ASTN2: variants seen among roughly 807,000 people sequenced by gnomAD.
The protein encoded by ASTN2 is astrotactin-2.
ASTN2 carries 54 observed loss-of-function variants against 139.8 expected under a neutral mutation model. The observed-to-expected ratio is 0.39, with a 90% CI of 0.31 to 0.48. The LOEUF is 0.48. Ranked by LOEUF, ASTN2 falls within the 20% of genes least tolerant of loss-of-function variation. The pLI is 0.95. For synonymous variants in ASTN2, 756 were observed against 719.5 expected (o/e 1.05, Z -0.81); for missense variants, 1,565 against 1,725.1 (o/e 0.91, Z 1.64).
At chr9:116,843,659 C>CA (rs34552965) in intron 11 of ASTN2, among the ~76,000 whole-genome samples, 4,769 of 115,510 alleles carry the variant, frequency 0.041, 89 homozygotes, top group African/African-American at 0.06. Context: ...AACTCTGTCT[C>CA]AAAAAAAAAA....
chr9:116,571,392 T>A (rs1853507078), intron 19 of ASTN2, among the ~76,000 whole-genome samples: 1 of 152,236 alleles, frequency 6.6e-6, no homozygotes, highest in Non-Finnish European at 1.5e-5. Flanking sequence ...TCTTTTTCCA[T>A]CTTTCACAAC....
intron 5 of ASTN2, among the ~76,000 whole-genome samples, chr9:117,052,105 C>A (rs1224177017): frequency 6.6e-6 from 1 of 152,046 alleles, no homozygotes; most frequent in Non-Finnish European, 1.5e-5. Flanking sequence ...TTTTCTTCAT[C>A]TGTAAAATGG....
chr9:117,182,442 C>T (rs756523446), intron 3 of ASTN2, among the ~76,000 whole-genome samples: 1 of 151,992 alleles, frequency 6.6e-6, no homozygotes, highest in Non-Finnish European at 1.5e-5. Flanking sequence ...CCAAGGATGA[C>T]CCAGGAGACA....
chr9:116,997,719 T>A (rs966305898), intron 7 of ASTN2, among the ~76,000 whole-genome samples: 1 of 152,166 alleles, frequency 6.6e-6, no homozygotes, highest in Non-Finnish European at 1.5e-5. Flanking sequence ...CATAGCTACT[T>A]GTATTGAAGC....
At chr9:116,812,928 C>T (rs758538803) in intron 12 of ASTN2, among the ~76,000 whole-genome samples, 31 of 152,080 alleles carry the variant, frequency 2.0e-4, no homozygotes, top group Non-Finnish European at 4.0e-4. Context: ...AAAATGATCC[C>T]CTGAGTTTTG....
At chr9:117,312,282 A>G (rs556951629) in intron 1 of ASTN2, among the ~76,000 whole-genome samples, 1 of 152,328 alleles carries the variant, frequency 6.6e-6, no homozygotes, top group South Asian at 2.1e-4. Context: ...TAATAAATAG[A>G]GAATCACAAA....
intron 1 of ASTN2, among the ~76,000 whole-genome samples, chr9:117,322,559 G>A (rs1289806633): frequency 6.6e-6 from 1 of 152,172 alleles, no homozygotes; most frequent in African/African-American, 2.4e-5. Flanking sequence ...AGTCTGCATG[G>A]CTGACATTCT....
chr9:116,517,086 C>G (rs895406918), intron 19 of ASTN2, among the ~76,000 whole-genome samples: 1 of 152,192 alleles, frequency 6.6e-6, no homozygotes, highest in Non-Finnish European at 1.5e-5. Context: ...TATGGCCCTG[C>G]CTACCACCTG....
intron 13 of ASTN2, among the ~76,000 whole-genome samples, chr9:116,792,584 C>T (rs187204074): frequency 2.6e-5 from 4 of 152,262 alleles, no homozygotes; most frequent in South Asian, 2.1e-4. Context: ...GATAGCAGAG[C>T]GGATGAACAC....
In ASTN2 at chr9:116,701,871, G is replaced by GT. The variant is rs200218160; in HGVS notation, c.2806+23899dup. The stretch of plus-strand genomic sequence containing the variant: ...GAAACTAATTTGTTCAATTACAGCA[G>GT]TTTTTTGGGTTTTTTTTTTTTTTTT... On this transcript the variant is annotated intron_variant, in intron 16 of 22. Transcript: ENST00000313400. 4.8e-3 allele frequency among the ~76,000 whole-genome samples: 587 copies of GT among 123,036 alleles called. 5 individuals are homozygous for GT. The highest frequency in any genetic ancestry group is 3.0e-3 in the Non-Finnish European group (180 of 59,434). The allele number at this position is 123,036 out of a possible 152,430, so 80.7% of individuals were successfully genotyped here. A position where few individuals can be genotyped will look rare whatever the true frequency, so the allele number is the denominator to read the frequency against.
At chr9:116,552,735 A>G (rs1852407965) in intron 19 of ASTN2, among the ~76,000 whole-genome samples, 1 of 152,208 alleles carries the variant, frequency 6.6e-6, no homozygotes, top group Non-Finnish European at 1.5e-5. Flanking sequence ...CAGGAGTCAA[A>G]GCAAAAATAA....
intron 16 of ASTN2, among the ~76,000 whole-genome samples, chr9:116,666,939 T>A (rs991204940): frequency 6.8e-6 from 1 of 146,536 alleles, no homozygotes; most frequent in African/African-American, 2.5e-5. Flanking sequence ...TTTATACTTA[T>A]TTATTTATTC....
At chr9:116,797,375 G>A (rs973038850) in intron 13 of ASTN2, among the ~76,000 whole-genome samples, 3 of 152,062 alleles carry the variant, frequency 2.0e-5, no homozygotes, top group African/African-American at 4.8e-5. Context: ...GAAAACCTTG[G>A]AAACATGGAG....
intron 17 of ASTN2, among the ~76,000 whole-genome samples, chr9:116,625,546 T>C (rs1476457998): frequency 6.6e-6 from 1 of 152,058 alleles, no homozygotes; most frequent in East Asian, 1.9e-4. Flanking sequence ...TCATGTTGCC[T>C]TCTCCAGCAT....
intron 19 of ASTN2, among the ~76,000 whole-genome samples, chr9:116,608,636 T>G (rs968077352): frequency 5.3e-5 from 8 of 152,112 alleles, no homozygotes; most frequent in Admixed American, 1.3e-4. Flanking sequence ...TTGAACAAAA[T>G]ATTTTGAACA....
intron 10 of ASTN2, among the ~76,000 whole-genome samples, chr9:116,907,996 C>T (rs1038161018): frequency 6.6e-6 from 1 of 152,158 alleles, no homozygotes; most frequent in African/African-American, 2.4e-5. Context: ...GAGTTATTAG[C>T]TAAATGCGGA....
At chr9:117,374,435 A>T (rs1028691950) in intron 1 of ASTN2, among the ~76,000 whole-genome samples, 1 of 151,716 alleles carries the variant, frequency 6.6e-6, no homozygotes, top group Non-Finnish European at 1.5e-5. Flanking sequence ...TTTCAATAGA[A>T]TTACAAAGAC....
chr9:116,778,282 A>G (rs952493577), intron 13 of ASTN2, among the ~76,000 whole-genome samples: 2 of 152,196 alleles, frequency 1.3e-5, no homozygotes, highest in African/African-American at 4.8e-5. Flanking sequence ...GGAATCCAAA[A>G]GTAGAGAAAA....
chr9:116,837,347 T>A (rs1362368878), intron 11 of ASTN2, among the ~76,000 whole-genome samples: 2 of 152,182 alleles, frequency 1.3e-5, no homozygotes, highest in Non-Finnish European at 2.9e-5. Flanking sequence ...TTCTGCTCTA[T>A]TTCAGGGGAG....
Sources: gnomAD v4.1 joint callset for allele counts (sites outside exome capture counted in the v4.1 genomes callset) on GRCh38, gnomAD v4.1.1 for gene constraint, MANE v1.5 for transcripts, NCBI Gene and HGNC (gene_info 2026-07-23, HGNC 2026-07-21) for gene names.